Variants in CALCR observed in about 807,000 individuals in gnomAD.
CALCR encodes the protein calcitonin receptor.
CALCR carries 47 observed loss-of-function variants against 59.5 expected under a neutral mutation model. That is an observed-to-expected ratio of 0.79 (90% CI 0.63 to 1.01). The LOEUF (loss-of-function observed/expected upper bound fraction) is 1.01, where lower values mean the gene tolerates loss of function less well. CALCR is among the 50% of genes least tolerant of loss of function. The pLI, the probability that CALCR is intolerant of heterozygous loss-of-function variation, is 0.00. For missense variants in CALCR, 566 were observed against 597.1 expected (o/e 0.95, Z 0.54); for synonymous variants, 213 against 211.3 (o/e 1.01, Z -0.07).
chr7:93,482,416 G>A (rs1014841463), intron 3 of CALCR, among the ~76,000 whole-genome samples: 2 of 151,708 alleles, frequency 1.3e-5, no homozygotes, highest in Admixed American at 6.6e-5. Flanking sequence ...TCTTCAAATC[G>A]AATTAGAAGA....
intron 3 of CALCR, among the ~76,000 whole-genome samples, chr7:93,482,169 T>A (rs1800811870): frequency 6.6e-6 from 1 of 151,892 alleles, no homozygotes; most frequent in Non-Finnish European, 1.5e-5. Flanking sequence ...ATGTTGAGGT[T>A]TCTTTTTTTA....
At chr7:93,480,636 T>C (rs1298831016) in intron 3 of CALCR, among the ~76,000 whole-genome samples, 3 of 151,648 alleles carry the variant, frequency 2.0e-5, no homozygotes, top group Admixed American at 6.6e-5. Context: ...CTGTTTTCCA[T>C]GTGTGTCATT....
Position 93,554,039 on chromosome 7 carries a change from T to A in CALCR, c.-27+20250A>T, listed in dbSNP as rs191431627. ...TGCTTTTGTTAGTTTGTTTAAGAAA[T>A]CTGGATTTAAACTTTAACTGTAAAA... On this transcript the variant is annotated intron_variant, in intron 2 of 13. Transcript: ENST00000426151. Among the ~76,000 whole-genome samples, 493 of 152,304 alleles carry A rather than the reference T, an allele frequency of 3.2e-3. 1 individual carries two copies. The highest frequency in any genetic ancestry group is 6.0e-3 in the Non-Finnish European group (408 of 68,014).
intron 3 of CALCR, among the ~76,000 whole-genome samples, chr7:93,483,735 TTATTA>T (rs917053792): frequency 4.0e-5 from 6 of 151,682 alleles, no homozygotes; most frequent in African/African-American, 1.2e-4. Context: ...AATATCCTAC[TTATTA>T]TAAGTGTTAT....
At chr7:93,483,434 T>C (rs1448681583) in intron 3 of CALCR, among the ~76,000 whole-genome samples, 1 of 138,738 alleles carries the variant, frequency 7.2e-6, no homozygotes, top group East Asian at 2.2e-4. Context: ...GATAGATAGA[T>C]AGATAGATAG....
rs201729250 is a variant in CALCR, at chr7:93,550,598, A to AACACACACACACACACAC, written c.-27+23673_-27+23690dup. Among the ~76,000 whole-genome samples the AACACACACACACACACAC allele has an allele frequency of 7.9e-3, 961 of 121,886 alleles. 7 individuals are homozygous for AACACACACACACACACAC. The highest frequency in any genetic ancestry group is 0.011 in the African/African-American group (399 of 34,864). The allele number at this position is 121,886 out of a possible 152,430, so 80.0% of individuals were successfully genotyped here. The stretch of plus-strand genomic sequence containing the variant: ...TAACCAAGCATTTCCATTTGGGCTA[A>AACACACACACACACACAC]ACACACACACACACACACACACACA... On this transcript the variant is annotated intron_variant, in intron 2 of 13. Transcript: ENST00000426151.
chr7:93,550,648 A>G (rs942630736), intron 2 of CALCR, among the ~76,000 whole-genome samples: 11 of 113,472 alleles, frequency 9.7e-5, no homozygotes, highest in Non-Finnish European at 1.7e-4. Context: ...CACGAGAGAC[A>G]GAGTTTTGTA....
At chr7:93,555,263 A>G (rs1403135191) in intron 2 of CALCR, among the ~76,000 whole-genome samples, 1 of 152,082 alleles carries the variant, frequency 6.6e-6, no homozygotes, top group Non-Finnish European at 1.5e-5. Context: ...TTGGAAGGGG[A>G]CTTTTATCTG....
At chr7:93,456,002 AC>A (rs750236739) in intron 8 of CALCR, among the ~76,000 whole-genome samples, 17 of 152,068 alleles carry the variant, frequency 1.1e-4, no homozygotes, top group Non-Finnish European at 2.5e-4. Flanking sequence ...AGAGAGAGCA[AC>A]CCTATGTTGC....
chr7:93,520,665 T>C lies in CALCR; in HGVS notation c.-26-33658A>G, dbSNP rs1051064523. On this transcript the variant is annotated intron_variant, in intron 2 of 13. Coordinates refer to ENST00000426151, the MANE Select transcript of CALCR (RefSeq NM_001742.4). ...TCAACTCTACAAAAATTAGCTTATT[T>C]ACCTTGGAGACAGCTAACTATAGCT... 3.3e-5 allele frequency among the ~76,000 whole-genome samples: 5 copies of C among 152,156 alleles called. No homozygotes were observed. The East Asian group carries it at 9.6e-4, about 29-fold the overall frequency.
chr7:93,486,850 C>A, intron 3 of CALCR, 81 bp downstream of exon 3: 1 of 881,380 alleles, frequency 1.1e-6, no homozygotes, highest in Non-Finnish European at 1.9e-6. Context: ...CTTGCAAATA[C>A]TAATTAAATC....
chr7:93,455,268 T>TGACATG, intron 8 of CALCR, among the ~76,000 whole-genome samples: 1 of 152,048 alleles, frequency 6.6e-6, no homozygotes, highest in East Asian at 1.9e-4. Flanking sequence ...TACTGACAGA[T>TGACATG]GACATGCTGA....
chr7:93,550,810 A>G (rs1372245900), intron 2 of CALCR, among the ~76,000 whole-genome samples: 1 of 152,170 alleles, frequency 6.6e-6, no homozygotes, highest in Non-Finnish European at 1.5e-5. Context: ...TTACTTAGCT[A>G]CTACTATGGT....
chr7:93,429,236 A>G (rs909529777), intron 13 of CALCR, among the ~76,000 whole-genome samples: 6 of 152,198 alleles, frequency 3.9e-5, no homozygotes, highest in African/African-American at 4.8e-5. Flanking sequence ...TAATAAGGGC[A>G]ATTATCTCCT....
chr7:93,565,700 G>C (rs1056578030), intron 2 of CALCR, among the ~76,000 whole-genome samples: 1 of 152,170 alleles, frequency 6.6e-6, no homozygotes, highest in Non-Finnish European at 1.5e-5. Flanking sequence ...CTAATACCCT[G>C]ACCTTTCAGT....
At chr7:93,501,833 A>G (rs1801327475) in intron 2 of CALCR, among the ~76,000 whole-genome samples, 1 of 152,068 alleles carries the variant, frequency 6.6e-6, no homozygotes, top group African/African-American at 2.4e-5. Context: ...CCTGACTAAC[A>G]ATAGCTTCTC....
At position 93,567,540 on chromosome 7, in the gene CALCR, T is replaced by G. The variant is rs556463843; in HGVS notation, c.-27+6749A>C. Among the ~76,000 whole-genome samples the G allele has an allele frequency of 1.2e-4, 18 of 151,852 alleles. No individual in the cohort carries two copies. The East Asian group carries it at 3.5e-3, about 29-fold the overall frequency. On this transcript the variant is annotated intron_variant, in intron 2 of 13. Transcript: ENST00000426151. ...CTGAAAAATTTATCTATGCAAATTTTTTTTATAAAAAGTTTTTTTTTTAAT... is the reference window on the plus strand; with the variant it reads ...CTGAAAAATTTATCTATGCAAATTTGTTTTATAAAAAGTTTTTTTTTTAAT...
At chr7:93,436,860 C>T (rs550996781) in intron 11 of CALCR, among the ~76,000 whole-genome samples, 2 of 152,238 alleles carry the variant, frequency 1.3e-5, no homozygotes, top group South Asian at 2.1e-4. Flanking sequence ...TTGCTAAATA[C>T]ATGTTTGATA....
chr7:93,544,929 C>T (rs1789245632), intron 2 of CALCR, among the ~76,000 whole-genome samples: 1 of 152,162 alleles, frequency 6.6e-6, no homozygotes, highest in Admixed American at 6.6e-5. Context: ...GGAAAGGCCA[C>T]TGTGCAGCTT....
Sources: gnomAD v4.1 joint callset for allele counts (sites outside exome capture counted in the v4.1 genomes callset) on GRCh38, gnomAD v4.1.1 for gene constraint, MANE v1.5 for transcripts, NCBI Gene and HGNC (gene_info 2026-07-23, HGNC 2026-07-21) for gene names.